Variants in RBM25 observed in about 807,000 individuals in gnomAD.
RBM25 encodes RNA binding motif protein 25, also known as RNA-binding protein 25.
RBM25 carries 19 observed loss-of-function variants against 120.7 expected under a neutral mutation model. The observed-to-expected ratio is 0.16, with a 90% CI of 0.11 to 0.23. The LOEUF (loss-of-function observed/expected upper bound fraction) is 0.23, where lower values mean the gene tolerates loss of function less well. RBM25 is among the 10% of genes least tolerant of loss of function. The probability of loss-of-function intolerance (pLI) is 1.00; values close to 1 mark genes in which losing one functional copy is unlikely to be tolerated. For missense variants in RBM25, 605 were observed against 1,041.5 expected (o/e 0.58, Z 5.77); for synonymous variants, 390 against 326.7 (o/e 1.19, Z -2.09).
Position 73,111,151 on chromosome 14 carries a change from A to G in RBM25, c.2013A>G (p.Lys671=). The G allele has an allele frequency of 6.3e-7, 1 of 1,599,466 alleles. No individual in the cohort carries two copies. The highest frequency in any genetic ancestry group is 2.2e-5 in the East Asian group (1 of 44,798). Residue 671 remains lysine, a synonymous_variant, in exon 15 of 19, where the codon AAA becomes AAG. Transcript: ENST00000261973. ...GGCCAAAAATAGGACTAAGTCTTAA[A>G]CTGGGTACGTTAGCATTTCCTTCCT... ...EHRPKIGLSL[K]LGASNSPGQP... is the part of the protein sequence containing the mutation.
chr14:73,080,340 C>T (rs937098540), intron 4 of RBM25, among the ~76,000 whole-genome samples: 5 of 148,362 alleles, frequency 3.4e-5, no homozygotes, highest in Non-Finnish European at 1.5e-5. Flanking sequence ...TCTCCTGCCT[C>T]AGCTTCCCAA....
chr14:73,065,272 G>A (rs2140421030), intron 1 of RBM25, among the ~76,000 whole-genome samples: 1 of 152,154 alleles, frequency 6.6e-6, no homozygotes, highest in South Asian at 2.1e-4. Flanking sequence ...GGGATTACAG[G>A]CACCCGCCAC....
rs765903463 is a variant in RBM25 at position 73,099,654 on chromosome 14, C to G, written c.784-13C>G. 7 of 1,590,978 alleles carry G rather than the reference C, an allele frequency of 4.4e-6. No homozygotes were observed. The South Asian group carries it at 7.0e-5, about 16-fold the overall frequency. On this transcript the variant is annotated splice_polypyrimidine_tract_variant and intron_variant, in intron 8 of 18. Coordinates refer to ENST00000261973, the MANE Select transcript of RBM25 (RefSeq NM_021239.3). ...TTCTTTATTCATTCCCTCCTGTGCCCGTTTTCTTTTAGGAGGATATAAATG... is the reference window on the plus strand; with the variant it reads ...TTCTTTATTCATTCCCTCCTGTGCCGGTTTTCTTTTAGGAGGATATAAATG...
intron 4 of RBM25, among the ~76,000 whole-genome samples, chr14:73,082,244 C>G (rs1381830232): frequency 6.6e-6 from 1 of 152,102 alleles, no homozygotes; most frequent in Non-Finnish European, 1.5e-5. Context: ...CTGAAGATTT[C>G]TCACCTACAC....
intron 5 of RBM25, among the ~76,000 whole-genome samples, chr14:73,085,768 A>G (rs561936807): frequency 3.3e-5 from 5 of 152,288 alleles, no homozygotes; most frequent in African/African-American, 1.2e-4. Context: ...TTAATACAGA[A>G]TAGGCAGGAT....
At position 73,077,354 on chromosome 14, in the gene RBM25, G is replaced by T; in HGVS notation, c.157-15G>T. 1 of 1,571,522 alleles carries T rather than the reference G, an allele frequency of 6.4e-7. No individual in the cohort carries two copies. Among genetic ancestry groups the T allele is most frequent in the Non-Finnish European group, 8.6e-7 (1 of 1,161,312 alleles). ...TAATTGCTGGATCAATTTTTATTTT[G>T]TTTCTTCACCTTAGGTCTTAGTACC... On this transcript the variant is annotated splice_polypyrimidine_tract_variant and intron_variant, in intron 3 of 18. Coordinates refer to ENST00000261973, the MANE Select transcript of RBM25 (RefSeq NM_021239.3).
At chr14:73,113,446 C>G (rs905580817) in intron 17 of RBM25, among the ~76,000 whole-genome samples, 1 of 151,696 alleles carries the variant, frequency 6.6e-6, no homozygotes, top group Non-Finnish European at 1.5e-5. Context: ...AATTCCCGCA[C>G]TTTGGGAGGC....
chr14:73,122,051 G>C lies in RBM25; in HGVS notation c.*2246G>C, dbSNP rs1054267504. The stretch of plus-strand genomic sequence containing the variant: ...AGGCTTTAGATTGTCAGAGTTGGTT[G>C]ATTTTTAGAATTGTATATATAAAGA... On this transcript the variant is annotated 3_prime_UTR_variant, in exon 19 of 19. Coordinates refer to ENST00000261973, the MANE Select transcript of RBM25 (RefSeq NM_021239.3). 12 of 152,128 alleles carry C rather than the reference G, an allele frequency of 7.9e-5. No homozygotes were observed. The highest frequency in any genetic ancestry group is 1.8e-4 in the Non-Finnish European group (12 of 68,022). 9.4% of individuals were successfully genotyped at this position (152,128 alleles called of 1,614,324 possible). A position where few individuals can be genotyped will look rare whatever the true frequency, so the allele number is the denominator to read the frequency against.
chr14:73,081,170 C>T (rs534837838), intron 4 of RBM25, among the ~76,000 whole-genome samples: 130 of 151,938 alleles, frequency 8.6e-4, no homozygotes, highest in African/African-American at 2.9e-3. Context: ...GACAGAGTCT[C>T]GCTCTGTTGC....
intron 10 of RBM25, among the ~76,000 whole-genome samples, chr14:73,103,905 G>GTCTGTCTC (rs1896107421): frequency 1.1e-5 from 1 of 91,662 alleles, no homozygotes; most frequent in Non-Finnish European, 2.2e-5. Context: ...CTGTCTGTCT[G>GTCTGTCTC]TCTCTCTCTC....
At chr14:73,092,128 A>T (rs72734449) in intron 6 of RBM25, among the ~76,000 whole-genome samples, 12,844 of 151,960 alleles carry the variant, frequency 0.085, 643 homozygotes, top group Middle Eastern at 0.21. Context: ...GTAAAAAAAA[A>T]TTTTCAAATA....
At chr14:73,097,571 G>T (rs1594923110) in intron 7 of RBM25, among the ~76,000 whole-genome samples, 1 of 152,144 alleles carries the variant, frequency 6.6e-6, no homozygotes, top group East Asian at 1.9e-4. Context: ...CTGGGTTCAG[G>T]TTATCCTCCT....
At chr14:73,073,313 G>A (rs1445419239) in intron 2 of RBM25, among the ~76,000 whole-genome samples, 1 of 151,798 alleles carries the variant, frequency 6.6e-6, no homozygotes, top group Non-Finnish European at 1.5e-5. Context: ...TCTACCCTTG[G>A]GTCTGAAAAG....
intron 6 of RBM25, among the ~76,000 whole-genome samples, chr14:73,093,952 T>G (rs901755825): frequency 6.8e-6 from 1 of 147,808 alleles, no homozygotes; most frequent in Non-Finnish European, 1.5e-5. Flanking sequence ...GGTTTTGTTT[T>G]TTTTTTTTTT....
rs1180981346 is a variant in RBM25, at chr14:73,122,694, G to A, written c.*2889G>A. ...ATCTGTTCACAAGGAAGAAAGGTAA[G>A]TTTGAAGTTGTTTTTCTTAAACTTT... On this transcript the variant is annotated 3_prime_UTR_variant, in exon 19 of 19. Transcript: ENST00000261973. 3 of 152,212 alleles carry A rather than the reference G, an allele frequency of 2.0e-5. No homozygotes were observed. The highest frequency in any genetic ancestry group is 7.2e-5 in the African/African-American group (3 of 41,458). 9.4% of individuals were successfully genotyped at this position (152,212 alleles called of 1,614,324 possible).
intron 5 of RBM25, among the ~76,000 whole-genome samples, chr14:73,086,448 A>C (rs1285741147): frequency 2.0e-5 from 3 of 151,948 alleles, no homozygotes; most frequent in Non-Finnish European, 4.4e-5. Context: ...AAAAAAAAAA[A>C]AACAAAACAG....
chr14:73,107,241 GTA>G (rs1216355146), intron 12 of RBM25: 1 of 152,356 alleles, frequency 6.6e-6, no homozygotes, highest in African/African-American at 2.4e-5. Context: ...GTAGCGTAGC[GTA>G]TATATATAGT....
In RBM25 at chr14:73,068,110, G is replaced by A. The variant is rs1471285609; in HGVS notation, c.-15-3517G>A. 1.1e-5 allele frequency: 8 copies of A among 721,908 alleles called. No homozygotes were observed. In the South Asian group the frequency reaches 1.2e-4, roughly 11 times the overall value. 44.7% of individuals were successfully genotyped at this position (721,908 alleles called of 1,614,324 possible). On this transcript the variant is annotated intron_variant, in intron 1 of 18. Transcript: ENST00000261973. ...GCTACGACCACCCCAACTTTACCTC[G>A]TTCACAGACAGAACTGGAAGGTTGG...
At chr14:73,105,460 A>C (rs745806076) in intron 10 of RBM25, among the ~76,000 whole-genome samples, 1 of 152,204 alleles carries the variant, frequency 6.6e-6, no homozygotes, top group African/African-American at 2.4e-5. Flanking sequence ...AAGCTAAACT[A>C]TCTCTTAACA....
Sources: gnomAD v4.1 joint callset for allele counts (sites outside exome capture counted in the v4.1 genomes callset) on GRCh38, gnomAD v4.1.1 for gene constraint, MANE v1.5 for transcripts, NCBI Gene and HGNC (gene_info 2026-07-23, HGNC 2026-07-21) for gene names.